The following TSPAN18 variants were observed in gnomAD, a reference collection of about 807,000 sequenced individuals.
TSPAN18 encodes tetraspanin 18, also known as tetraspanin-18.
Under a neutral mutation model 27.3 loss-of-function variants are expected in TSPAN18, and 14 were observed. The observed-to-expected ratio is 0.51, with a 90% CI of 0.34 to 0.80. The LOEUF (loss-of-function observed/expected upper bound fraction) is 0.80, where lower values mean the gene tolerates loss of function less well. Ranked by LOEUF, TSPAN18 falls within the 30% of genes least tolerant of loss-of-function variation. TSPAN18 has a pLI of 0.01. For synonymous variants in TSPAN18, 143 were observed against 136.5 expected (o/e 1.05, Z -0.33); for missense variants, 268 against 323.9 (o/e 0.83, Z 1.32).
At chr11:44,881,513 A>C (rs952650146) in intron 3 of TSPAN18, among the ~76,000 whole-genome samples, 1 of 152,248 alleles carries the variant, frequency 6.6e-6, no homozygotes, top group Admixed American at 6.5e-5. Flanking sequence ...TGACCTAAAA[A>C]GGGTCTTCAT....
intron 3 of TSPAN18, among the ~76,000 whole-genome samples, chr11:44,888,399 G>A (rs1167448170): frequency 1.3e-5 from 2 of 152,158 alleles, no homozygotes; most frequent in African/African-American, 4.8e-5. Flanking sequence ...CGTGAAGCAG[G>A]AGCAGTTATG....
At chr11:44,804,381 G>A (rs1856547622) in intron 2 of TSPAN18, among the ~76,000 whole-genome samples, 1 of 152,186 alleles carries the variant, frequency 6.6e-6, no homozygotes, top group African/African-American at 2.4e-5. Flanking sequence ...GTAAGCCACC[G>A]CGCCCAGCCA....
chr11:44,812,015 A>G (rs1285123136), intron 2 of TSPAN18, among the ~76,000 whole-genome samples: 1 of 152,176 alleles, frequency 6.6e-6, no homozygotes, highest in African/African-American at 2.4e-5. Flanking sequence ...CTAGTGGTCG[A>G]CTTCGGTGGA....
intron 1 of TSPAN18, among the ~76,000 whole-genome samples, chr11:44,731,633 T>TGTGTGTGTGTGTGAGAGAGA (rs139154582): frequency 5.1e-4 from 55 of 107,434 alleles, no homozygotes; most frequent in East Asian, 1.2e-3. Context: ...TGTGTGTGTG[T>TGTGTGTGTGTGTGAGAGAGA]GAGAGAGAGA....
intron 2 of TSPAN18, among the ~76,000 whole-genome samples, chr11:44,844,147 A>G (rs1188641928): frequency 6.6e-6 from 1 of 152,250 alleles, no homozygotes; most frequent in African/African-American, 2.4e-5. Flanking sequence ...ATAAATGTCC[A>G]TAAAATCTTC....
intron 3 of TSPAN18, among the ~76,000 whole-genome samples, chr11:44,892,166 G>T (rs1858874282): frequency 6.6e-6 from 1 of 152,170 alleles, no homozygotes; most frequent in Non-Finnish European, 1.5e-5. Context: ...CAGAACTGGG[G>T]TTTCCCTGCC....
At chr11:44,896,314 C>T (rs1407886073) in intron 3 of TSPAN18, among the ~76,000 whole-genome samples, 1 of 152,164 alleles carries the variant, frequency 6.6e-6, no homozygotes, top group Non-Finnish European at 1.5e-5. Flanking sequence ...ATTCCAGCCC[C>T]ATCACTTACC....
intron 2 of TSPAN18, among the ~76,000 whole-genome samples, chr11:44,799,524 G>T (rs1219763342): frequency 1.3e-5 from 2 of 152,172 alleles, no homozygotes; most frequent in African/African-American, 4.8e-5. Context: ...TCAATGAGCG[G>T]GCAGTAGCTC....
intron 1 of TSPAN18, among the ~76,000 whole-genome samples, chr11:44,734,289 A>T (rs1854735311): frequency 6.6e-6 from 1 of 152,226 alleles, no homozygotes; most frequent in Non-Finnish European, 1.5e-5. Flanking sequence ...ACACGGACTA[A>T]GATGGGGCCC....
chr11:44,914,240 C>T (rs1284370494), intron 5 of TSPAN18, among the ~76,000 whole-genome samples: 1 of 152,218 alleles, frequency 6.6e-6, no homozygotes, highest in Non-Finnish European at 1.5e-5. Flanking sequence ...CAGTAAACAG[C>T]CCCGGAGCCA....
At chr11:44,819,618 G>C (rs1856886542) in intron 2 of TSPAN18, among the ~76,000 whole-genome samples, 1 of 152,040 alleles carries the variant, frequency 6.6e-6, no homozygotes, top group South Asian at 2.1e-4. Flanking sequence ...GGGCACGGCA[G>C]TGGAAGTAAT....
chr11:44,869,421 A>G (rs863157), intron 3 of TSPAN18, among the ~76,000 whole-genome samples: 147,051 of 152,316 alleles, frequency 0.97, 71,223 homozygotes, highest in East Asian at 1. Context: ...GTAAATACCC[A>G]CTTCTCACTC....
At chr11:44,836,545 T>C (rs73452521) in intron 2 of TSPAN18, among the ~76,000 whole-genome samples, 9,354 of 152,236 alleles carry the variant, frequency 0.061, 780 homozygotes, top group African/African-American at 0.19. Flanking sequence ...AAGATCTAGC[T>C]AAGATCATGG....
chr11:44,742,568 A>C (rs865833983), intron 1 of TSPAN18, among the ~76,000 whole-genome samples: 40 of 151,968 alleles, frequency 2.6e-4, no homozygotes, highest in Middle Eastern at 3.2e-3. Flanking sequence ...CCGCCATAGG[A>C]GCTCTCCCAG....
chr11:44,930,991 G>A lies in TSPAN18; in HGVS notation c.*1813G>A, dbSNP rs760826907. ...GAGCCCCGTGTTCCCTGGCCTGTGCGTCTGCCCCCTTCTGAGATGCAGCCA... is the reference window on the plus strand; with the variant it reads ...GAGCCCCGTGTTCCCTGGCCTGTGCATCTGCCCCCTTCTGAGATGCAGCCA... On this transcript the variant is annotated 3_prime_UTR_variant, in exon 10 of 10. Transcript: ENST00000520358. The A allele has an allele frequency of 1.1e-4, 54 of 474,224 alleles. No homozygotes were observed. Among genetic ancestry groups the A allele is most frequent in the African/African-American group, 4.2e-4 (21 of 50,418 alleles). The allele number at this position is 474,224 out of a possible 1,614,324, so 29.4% of individuals were successfully genotyped here.
intron 9 of TSPAN18, among the ~76,000 whole-genome samples, chr11:44,928,014 A>C (rs1443815629): frequency 6.6e-6 from 1 of 152,024 alleles, no homozygotes; most frequent in African/African-American, 2.4e-5. Context: ...CAAGACGGAG[A>C]CCTTTACATG....
chr11:44,904,011 T>C (rs962966356), intron 3 of TSPAN18: 1 of 379,684 alleles, frequency 2.6e-6, no homozygotes, highest in East Asian at 7.3e-5. Flanking sequence ...TTTGTAGGGG[T>C]GGAGACTTGG....
chr11:44,799,705 G>A (rs1856433108), intron 2 of TSPAN18, among the ~76,000 whole-genome samples: 1 of 152,228 alleles, frequency 6.6e-6, no homozygotes, highest in South Asian at 2.1e-4. Flanking sequence ...AGGAAACTGA[G>A]GCATGAGGAG....
At chr11:44,776,433 A>G (rs1855809887) in intron 2 of TSPAN18, among the ~76,000 whole-genome samples, 1 of 152,114 alleles carries the variant, frequency 6.6e-6, no homozygotes, top group African/African-American at 2.4e-5. Flanking sequence ...TGAATTGGGC[A>G]CGATAACCTT....
Sources: gnomAD v4.1 joint callset for allele counts (sites outside exome capture counted in the v4.1 genomes callset) on GRCh38, gnomAD v4.1.1 for gene constraint, MANE v1.5 for transcripts, NCBI Gene and HGNC (gene_info 2026-07-23, HGNC 2026-07-21) for gene names.